Variants in CCNO observed in about 807,000 individuals in gnomAD.
CCNO encodes the protein cyclin-O.
Under a neutral mutation model 23.9 loss-of-function variants are expected in CCNO, and 24 were observed. That is an observed-to-expected ratio of 1.00 (90% confidence interval 0.73 to 1.41). CCNO has a LOEUF of 1.41. Ranked by LOEUF, CCNO falls within the 40% of genes most tolerant of loss-of-function variation. The pLI is 0.00. For missense variants in CCNO, 542 were observed against 476.2 expected (o/e 1.14, Z -1.29); for synonymous variants, 241 against 225.7 (o/e 1.07, Z -0.61).
At chr5:55,231,991 G>A in intron 2 of CCNO, 131 bp from the exon 3 acceptor site, 5 of 1,042,796 alleles carry the variant, frequency 4.8e-6, no homozygotes, top group South Asian at 3.4e-5. Flanking sequence ...CTGCTTCCAC[G>A]TAAGTGACCT....
chr5:55,231,918 C>T, intron 2 of CCNO, 58 bp from the exon 3 acceptor site: 1 of 1,469,654 alleles, frequency 6.8e-7, no homozygotes, highest in South Asian at 1.4e-5. Flanking sequence ...CAGGCCCACC[C>T]CAGTATGACG....
rs372018016 is a variant in CCNO at position 55,233,257 on chromosome 5, G to A, written c.267C>T (p.Pro89=). The A allele has an allele frequency of 3.5e-5, 56 of 1,587,546 alleles. No individual in the cohort carries two copies. The highest frequency in any genetic ancestry group is 4.5e-5 in the Non-Finnish European group (53 of 1,169,444). The change falls in exon 1 of 3, where the codon CCC becomes CCT. Residue 89 remains proline (P), a synonymous_variant. Coordinates refer to ENST00000282572, the MANE Select transcript of CCNO (RefSeq NM_021147.5). Reference sequence around the variant, plus strand: ...AGGTCTGTAGATCTAGCTGCGCCACGGGCTGGGCCGGGCCGGGCAGGGGGC... The same window carrying A: ...AGGTCTGTAGATCTAGCTGCGCCACAGGCTGGGCCGGGCCGGGCAGGGGGC... ...GGSPLPGPAQ[P]VAQLDLQTFR... is the part of the protein sequence containing the mutation.
Position 55,232,343 on chromosome 5 carries a change from GT to G in CCNO, c.567+17del, listed in dbSNP as rs770926618. The G allele has an allele frequency of 1.1e-5, 17 of 1,611,536 alleles. No homozygotes were observed. The South Asian group carries it at 1.9e-4, about 18-fold the overall frequency. On this transcript the variant is annotated intron_variant, in intron 2 of 2. Coordinates refer to ENST00000282572, the MANE Select transcript of CCNO (RefSeq NM_021147.5). ...GCGTCCCCAGATGCCGCGTGTACCT[GT>G]TTGATACCCCAGGTACCTGTTTGCA...
rs1159081565 is a variant in CCNO at position 55,233,400 on chromosome 5, G to A, written c.124C>T (p.Pro42Ser). The A allele has an allele frequency of 6.2e-7, 1 of 1,610,080 alleles. No homozygotes were observed. The highest frequency in any genetic ancestry group is 2.2e-5 in the East Asian group (1 of 44,768). The stretch of plus-strand genomic sequence containing the variant: ...GGGCACGGGTTCAGGGGATGCAGCG[G>A]CTGCTTCCTCCGGAGGCGCGGACGC... Reference protein sequence around the residue: ...SRRPRLRRKQPLHPLNPCPLP... With the variant: ...SRRPRLRRKQSLHPLNPCPLP... Residue 42 changes from proline to serine, a missense_variant, in exon 1 of 3, where the codon CCG becomes TCG. By Grantham distance (74) the Pro-to-Ser change is moderately conservative (BLOSUM62 -1). Transcript: ENST00000282572.
chr5:55,231,760 T>G lies in CCNO; in HGVS notation c.668A>C (p.Lys223Thr). 1 of 1,570,476 alleles carries G rather than the reference T, an allele frequency of 6.4e-7. No homozygotes were observed. The highest frequency in any genetic ancestry group is 8.6e-7 in the Non-Finnish European group (1 of 1,158,482). ...GGGCGCACCCAGGGTGAAGTGCAGC[T>G]TGTGCAGCACGATGCACTCGAGGTT... Reference protein sequence around the residue: ...LCNLECIVLHKLHFTLGAPTI... With the variant: ...LCNLECIVLHTLHFTLGAPTI... The change falls in exon 3 of 3, where the codon AAG becomes ACG. Residue 223 changes from lysine (K) to threonine (T), a missense_variant. Physicochemically the swap from Lys to Thr is moderately conservative, Grantham distance 78. Coordinates refer to ENST00000282572, the MANE Select transcript of CCNO (RefSeq NM_021147.5).
At position 55,233,480 on chromosome 5, in the gene CCNO, C is replaced by T; in HGVS notation, c.44G>A (p.Arg15Gln). Residue 15 changes from arginine to glutamine, a missense_variant, in exon 1 of 3, where the codon CGA becomes CAA. By Grantham distance (43) the Arg-to-Gln change is conservative. Coordinates refer to ENST00000282572, the MANE Select transcript of CCNO (RefSeq NM_021147.5). ...CPTSPSSPAA[R>Q]AGRRDNDQNL... is the part of the protein sequence containing the mutation. ...CTGGTCGTTGTCCCGCCTCCCCGCT[C>T]GGGCGGCGGGGCTCGAGGGGCTGGT... 2 of 1,598,298 alleles carry T rather than the reference C, an allele frequency of 1.3e-6. No homozygotes were observed. The highest frequency in any genetic ancestry group is 8.5e-7 in the Non-Finnish European group (1 of 1,172,278).
chr5:55,233,470 C>G lies in CCNO; in HGVS notation c.54G>C (p.Arg18Ser), dbSNP rs778844840. 1.2e-5 allele frequency: 20 copies of G among 1,601,044 alleles called. No individual in the cohort carries two copies. Among genetic ancestry groups the G allele is most frequent in the Non-Finnish European group, 1.6e-5 (19 of 1,174,322 alleles). ...CGCGAAGGTTCTGGTCGTTGTCCCGCCTCCCCGCTCGGGCGGCGGGGCTCG... is the reference window on the plus strand; with the variant it reads ...CGCGAAGGTTCTGGTCGTTGTCCCGGCTCCCCGCTCGGGCGGCGGGGCTCG... ...SPSSPAARAG[R>S]RDNDQNLRAP... The change falls in exon 1 of 3, where the codon AGG becomes AGC. Residue 18 changes from arginine (R) to serine (S), a missense_variant. Coordinates refer to ENST00000282572, the MANE Select transcript of CCNO (RefSeq NM_021147.5).
rs779308069 is a variant in CCNO at position 55,232,462 on chromosome 5, G to C, written c.466C>G (p.Leu156Val). ...AAGCGGTCCAGAGTGTTCACCGTCA[G>C]GCACAGCGACTCGAAGGAGAGGCCG... ...QFGLSFESLCLTVNTLDRFLT... is the reference protein window; with the variant it reads ...QFGLSFESLCVTVNTLDRFLT... Residue 156 changes from leucine to valine, a missense_variant, in exon 2 of 3, where the codon CTG becomes GTG. By Grantham distance (32) the Leu-to-Val change is conservative. Transcript: ENST00000282572. 1 of 1,614,048 alleles carries C rather than the reference G, an allele frequency of 6.2e-7. No homozygotes were observed. The highest frequency in any genetic ancestry group is 1.1e-5 in the South Asian group (1 of 91,084).
At chr5:55,232,326 A>G (rs751483554) in intron 2 of CCNO, 35 bp downstream of exon 2, 1 of 1,583,742 alleles carries the variant, frequency 6.3e-7, no homozygotes, top group Non-Finnish European at 8.6e-7. Flanking sequence ...CTGCGTCCCC[A>G]GATGCCGCGT....
chr5:55,232,651 G>T, intron 1 of CCNO, 105 bp from the exon 2 acceptor site: 2 of 1,073,812 alleles, frequency 1.9e-6, no homozygotes, highest in Non-Finnish European at 1.4e-6. Flanking sequence ...CCAGGAGAGG[G>T]GCAAGAAGAT....
In CCNO at chr5:55,232,505, G is replaced by C. The variant is rs1472120280; in HGVS notation, c.423C>G (p.Ile141Met). Residue 141 changes from isoleucine (I) to methionine (M), a missense_variant, in exon 2 of 3, where the codon ATC becomes ATG. Ile to Met is a conservative substitution (Grantham distance 10, BLOSUM62 1). Transcript: ENST00000282572. ...AGAGGCCGAATTGGCGGTGCACCGG[G>C]ATCAGCCAGCTGAGCAGCTTACAGC... is the stretch of plus-strand genomic sequence containing the variant. ...ESRCKLLSWL[I>M]PVHRQFGLSF... 1.9e-6 allele frequency: 3 copies of C among 1,613,762 alleles called. No individual in the cohort carries two copies. The highest frequency in any genetic ancestry group is 2.5e-6 in the Non-Finnish European group (3 of 1,180,042).
Position 55,231,323 on chromosome 5 carries a change from G to C in CCNO, c.*52C>G, listed in dbSNP as rs114847312. 4,161 of 1,596,966 alleles carry C rather than the reference G, an allele frequency of 2.6e-3. 75 individuals are homozygous for C. In the African/African-American group the frequency reaches 0.046, roughly 18 times the overall value. On this transcript the variant is annotated 3_prime_UTR_variant, in exon 3 of 3. Transcript: ENST00000282572. The stretch of plus-strand genomic sequence containing the variant: ...CAGTACTGCACTCTTCTGAGGCTAC[G>C]GGAGAGGTCCAGCAGCCGGGCCAGG...
In CCNO at chr5:55,233,287, A is replaced by T. The variant is rs1346814165; in HGVS notation, c.237T>A (p.Gly79=). ...DGAESPSAAR[G]GSPLPGPAQP... is the part of the protein sequence containing the mutation. ...GGGCCGGGCCGGGCAGGGGGCTACC[A>T]CCCCGCGCCGCAGAGGGGCTCTCTG... Residue 79 remains glycine, a synonymous_variant, in exon 1 of 3, where the codon GGT becomes GGA. Transcript: ENST00000282572. 1 of 1,590,208 alleles carries T rather than the reference A, an allele frequency of 6.3e-7. No individual in the cohort carries two copies.
Position 55,233,596 on chromosome 5 carries a change from T to C in CCNO, c.-73A>G. On this transcript the variant is annotated 5_prime_UTR_variant, in exon 1 of 3. Coordinates refer to ENST00000282572, the MANE Select transcript of CCNO (RefSeq NM_021147.5). ...CGGGCAGCAAACGCGCACTCGAAAG[T>C]GCGAAGGAGGCCGGGCTCAGAGGCT... is the stretch of plus-strand genomic sequence containing the variant. 5.0e-6 allele frequency: 7 copies of C among 1,399,428 alleles called. No homozygotes were observed. The highest frequency in any genetic ancestry group is 5.6e-6 in the Non-Finnish European group (6 of 1,063,296). The allele number at this position is 1,399,428 out of a possible 1,614,324, so 86.7% of individuals were successfully genotyped here.
chr5:55,232,422 G>T lies in CCNO; in HGVS notation c.506C>A (p.Pro169Gln). The T allele has an allele frequency of 6.2e-7, 1 of 1,614,008 alleles. No individual in the cohort carries two copies. The highest frequency in any genetic ancestry group is 2.2e-5 in the East Asian group (1 of 44,866). The stretch of plus-strand genomic sequence containing the variant: ...CAGCTGGAAGCAGTCTGCAGCCACC[G>T]GCGTGGTGGTGAGGAAGCGGTCCAG... ...NTLDRFLTTT[P>Q]VAADCFQLLG... Residue 169 changes from proline to glutamine, a missense_variant, in exon 2 of 3, where the codon CCG becomes CAG. By Grantham distance (76) the Pro-to-Gln change is moderately conservative. Coordinates refer to ENST00000282572, the MANE Select transcript of CCNO (RefSeq NM_021147.5).
chr5:55,231,961 G>T (rs1326618362), intron 2 of CCNO, 101 bp from the exon 3 acceptor site: 3 of 1,355,402 alleles, frequency 2.2e-6, no homozygotes, highest in Non-Finnish European at 9.8e-7. Flanking sequence ...CAGAGAGACA[G>T]CCGGGGCTCT....
Position 55,232,414 on chromosome 5 carries a change from C to A in CCNO, c.514G>T (p.Ala172Ser), listed in dbSNP as rs771239201. The A allele has an allele frequency of 6.2e-7, 1 of 1,613,968 alleles. No individual in the cohort carries two copies. Among genetic ancestry groups the A allele is most frequent in the Non-Finnish European group, 8.5e-7 (1 of 1,180,010 alleles). The change falls in exon 2 of 3, where the codon GCA (alanine) becomes TCA (serine). Residue 172 changes from alanine to serine, a missense_variant. Ala to Ser is a moderately conservative substitution (Grantham distance 99, BLOSUM62 1). Coordinates refer to ENST00000282572, the MANE Select transcript of CCNO (RefSeq NM_021147.5). ...DRFLTTTPVA[A>S]DCFQLLGVTS... Reference sequence around the variant, plus strand: ...ACCCCAAGCAGCTGGAAGCAGTCTGCAGCCACCGGCGTGGTGGTGAGGAAG... The same window carrying A: ...ACCCCAAGCAGCTGGAAGCAGTCTGAAGCCACCGGCGTGGTGGTGAGGAAG...
intron 1 of CCNO, chr5:55,232,857 C>G (rs180800078): frequency 1.0e-5 from 6 of 586,900 alleles, no homozygotes; most frequent in African/African-American, 7.4e-5. Flanking sequence ...ATAACTTGCC[C>G]GAGTTCGGTA....
chr5:55,232,961 A>G, intron 1 of CCNO, 182 bp downstream of exon 1: 1 of 659,408 alleles, frequency 1.5e-6, no homozygotes, highest in Non-Finnish European at 2.5e-6. Context: ...TCTACGCCCC[A>G]CTTTTCTCCA....
Sources: allele counts gnomAD v4.1 joint callset, GRCh38; gene constraint gnomAD v4.1.1; transcripts MANE v1.5; gene names NCBI Gene and HGNC (gene_info 2026-07-23, HGNC 2026-07-21).